The following FBXL2 variants were observed in gnomAD, a reference collection of about 807,000 sequenced individuals.
FBXL2 encodes the protein F-box and leucine rich repeat protein 2.
Under a neutral mutation model 69.2 loss-of-function variants are expected in FBXL2, and 38 were observed. The observed-to-expected ratio is 0.55, with a 90% CI of 0.42 to 0.72. The LOEUF (loss-of-function observed/expected upper bound fraction) is 0.72. Among genes scored for constraint, FBXL2 ranks in the 30% least tolerant of loss-of-function variants. The probability of loss-of-function intolerance (pLI) is 0.00; values close to 1 mark genes in which losing one functional copy is unlikely to be tolerated. For missense variants in FBXL2, 354 were observed against 520.3 expected (o/e 0.68, Z 3.11); for synonymous variants, 192 against 201.3 (o/e 0.95, Z 0.39).
intron 2 of FBXL2, among the ~76,000 whole-genome samples, chr3:33,298,696 C>CAAA (rs1158732530): frequency 4.3e-4 from 20 of 47,056 alleles, no homozygotes; most frequent in African/African-American, 1.0e-3. Flanking sequence ...AACTCTGTCT[C>CAAA]AAAAAAAAAA....
chr3:33,337,414 A>T (rs1449249270), intron 2 of FBXL2, among the ~76,000 whole-genome samples: 1 of 152,226 alleles, frequency 6.6e-6, no homozygotes, highest in Non-Finnish European at 1.5e-5. Context: ...CACTTGTAGC[A>T]GGGAAATACA....
chr3:33,280,713 C>CAAAAAAAAAAAAAAA (rs34093056), intron 1 of FBXL2, among the ~76,000 whole-genome samples: 4 of 81,390 alleles, frequency 4.9e-5, no homozygotes, highest in African/African-American at 1.5e-4. Flanking sequence ...GCCCTGTATC[C>CAAAAAAAAAAAAAAA]AAAAAAAAAA....
intron 2 of FBXL2, among the ~76,000 whole-genome samples, chr3:33,311,664 G>A (rs569566727): frequency 1.2e-3 from 188 of 151,694 alleles, no homozygotes; most frequent in African/African-American, 4.5e-3. Flanking sequence ...TGCTCTGTTC[G>A]CCCAGGCTGG....
At chr3:33,418,846 C>G in the FBXL2 span, among the ~76,000 whole-genome samples, 2 of 111,954 alleles carry the variant, frequency 1.8e-5, no homozygotes, top group South Asian at 5.6e-4. Context: ...GCAACAAGAA[C>G]GAAACTCTGT....
At chr3:33,401,850 C>T (rs1174368549) in intron 12 of FBXL2, among the ~76,000 whole-genome samples, 1 of 152,150 alleles carries the variant, frequency 6.6e-6, no homozygotes, top group Non-Finnish European at 1.5e-5. Flanking sequence ...TCAGACCGGA[C>T]TGACTGACTA....
intron 3 of FBXL2, 35 bp from the exon 4 acceptor site, chr3:33,359,248 T>A: frequency 1.3e-6 from 2 of 1,567,028 alleles, no homozygotes; most frequent in Non-Finnish European, 1.7e-6. Flanking sequence ...GTTTCTTTCA[T>A]CCCAATCCCT....
intron 2 of FBXL2, among the ~76,000 whole-genome samples, chr3:33,314,689 T>C (rs2037517045): frequency 6.6e-6 from 1 of 152,238 alleles, no homozygotes; most frequent in South Asian, 2.1e-4. Flanking sequence ...GTTATGCAAA[T>C]ATTCCCCTTG....
rs34710055 is a variant in FBXL2, at chr3:33,309,544, TA to T, written c.65+11828del. Among the ~76,000 whole-genome samples, 68 of 151,344 alleles carry T rather than the reference TA, an allele frequency of 4.5e-4. No individual in the cohort carries two copies. In the Middle Eastern group the frequency reaches 0.024, roughly 53 times the overall value. Reference sequence around the variant, plus strand: ...TGCAGATAGCATATAGTTGGGTCTTTAAAAAAAAATACATTCAGCTACTTTA... The same window carrying T: ...TGCAGATAGCATATAGTTGGGTCTTTAAAAAAAATACATTCAGCTACTTTA... On this transcript the variant is annotated intron_variant, in intron 2 of 14. Coordinates refer to ENST00000484457, the MANE Select transcript of FBXL2 (RefSeq NM_012157.5).
At chr3:33,368,119 G>A (rs3915062) in intron 5 of FBXL2, among the ~76,000 whole-genome samples, 61,422 of 151,972 alleles carry the variant, frequency 0.4, 13,882 homozygotes, top group East Asian at 0.59. Flanking sequence ...TTTGTGGCCA[G>A]TAATATGGCC....
downstream of FBXL2, chr3:33,408,585 G>T: frequency 1.3e-6 from 1 of 785,506 alleles, no homozygotes. Context: ...TCAAGACATG[G>T]ACATCAAAAA....
chr3:33,402,962 ATTT>A (rs1211069328), intron 12 of FBXL2: 2 of 1,428,838 alleles, frequency 1.4e-6, no homozygotes, highest in Admixed American at 4.0e-5. Context: ...TGGAAGAAAT[ATTT>A]TTGTAATTCA....
chr3:33,390,517 C>G (rs941290994), downstream of FBXL2: 8 of 786,894 alleles, frequency 1.0e-5, no homozygotes, highest in Admixed American at 1.6e-4. Flanking sequence ...TTAACTTGCT[C>G]TAGCTCCTCT....
chr3:33,311,705 A>G (rs1575153408), intron 2 of FBXL2, among the ~76,000 whole-genome samples: 2 of 151,688 alleles, frequency 1.3e-5, no homozygotes. Flanking sequence ...GCTCACTGCA[A>G]CCTCCGCCTC....
At chr3:33,414,997 AATTT>A in the FBXL2 span, among the ~76,000 whole-genome samples, 1 of 151,958 alleles carries the variant, frequency 6.6e-6, no homozygotes, top group African/African-American at 2.4e-5. Flanking sequence ...TTTTTCCCTT[AATTT>A]ATTTGCTTGC....
the FBXL2 span, chr3:33,411,620 A>G: frequency 1.2e-6 from 2 of 1,614,220 alleles, no homozygotes; most frequent in Non-Finnish European, 1.7e-6. Flanking sequence ...GGTCCCACAG[A>G]AATTCAACCG....
chr3:33,379,046 C>T (rs866558065), intron 13 of FBXL2, among the ~76,000 whole-genome samples: 1 of 151,062 alleles, frequency 6.6e-6, no homozygotes, highest in Admixed American at 6.6e-5. Flanking sequence ...CTCACTCTAT[C>T]GCCTAGGGTG....
chr3:33,307,905 T>C (rs1258712396), intron 2 of FBXL2, among the ~76,000 whole-genome samples: 2 of 152,160 alleles, frequency 1.3e-5, no homozygotes, highest in African/African-American at 4.8e-5. Context: ...TATAAATTTA[T>C]GAATTTAAAC....
At chr3:33,416,187 T>C in the FBXL2 span, 3 of 152,342 alleles carry the variant, frequency 2.0e-5, no homozygotes, top group Admixed American at 1.3e-4. Context: ...CCAATTAAGA[T>C]TCTTTCATTA....
At chr3:33,417,256 G>A in the FBXL2 span, among the ~76,000 whole-genome samples, 3 of 152,090 alleles carry the variant, frequency 2.0e-5, 1 homozygote, top group African/African-American at 7.2e-5. Flanking sequence ...ATCATCCTAA[G>A]AAGAAACCTC....
Sources: gnomAD v4.1 joint callset for allele counts (sites outside exome capture counted in the v4.1 genomes callset) on GRCh38, gnomAD v4.1.1 for gene constraint, MANE v1.5 for transcripts, NCBI Gene and HGNC (gene_info 2026-07-23, HGNC 2026-07-21) for gene names.